Variants in TRIO observed in about 807,000 individuals in gnomAD.
TRIO encodes trio Rho guanine nucleotide exchange factor, also known as triple functional domain protein.
TRIO carries 58 observed loss-of-function variants against 351.9 expected under a neutral mutation model. The ratio of observed to expected loss-of-function variants is 0.16; its 90% CI spans 0.13 to 0.21. The LOEUF is 0.21. Ranked by LOEUF, TRIO falls within the 10% of genes least tolerant of loss-of-function variation. TRIO has a pLI of 1.00. For synonymous variants in TRIO, 1,758 were observed against 1,595.7 expected (o/e 1.10, Z -2.42); for missense variants, 3,201 against 4,027.8 (o/e 0.79, Z 5.56).
In TRIO at chr5:14,499,954, G is replaced by A. The variant is rs1043069150; in HGVS notation, c.8332+1314G>A. Among the ~76,000 whole-genome samples the A allele has an allele frequency of 1.4e-4, 22 of 151,762 alleles. 2 individuals are homozygous for A. The highest frequency in any genetic ancestry group is 1.4e-3 in the Admixed American group (21 of 15,230). ...TAGTCCCAGCTACTCTTGAGGCTGA[G>A]GCAGGAGAATCACTTGAACCCAGGA... is the stretch of plus-strand genomic sequence containing the variant. On this transcript the variant is annotated intron_variant, in intron 53 of 56. Coordinates refer to ENST00000344204, the MANE Select transcript of TRIO (RefSeq NM_007118.4).
intron 1 of TRIO, among the ~76,000 whole-genome samples, chr5:14,210,602 T>TTG (rs1561206475): frequency 6.6e-6 from 1 of 151,840 alleles, no homozygotes; most frequent in Non-Finnish European, 1.5e-5. Flanking sequence ...AAAGTGTTTT[T>TTG]TTGTTGTTGT....
chr5:14,306,500 A>G (rs890712632), intron 8 of TRIO, among the ~76,000 whole-genome samples: 3 of 152,228 alleles, frequency 2.0e-5, no homozygotes, highest in African/African-American at 7.2e-5. Context: ...TAACACAGAA[A>G]GCAAATGACC....
intron 1 of TRIO, among the ~76,000 whole-genome samples, chr5:14,187,343 T>G (rs1032022333): frequency 6.6e-6 from 1 of 152,196 alleles, no homozygotes; most frequent in Non-Finnish European, 1.5e-5. Context: ...TGGTTTTTGT[T>G]GTTTTGTTTT....
At chr5:14,414,716 A>C (rs1292067002) in intron 33 of TRIO, among the ~76,000 whole-genome samples, 1 of 151,620 alleles carries the variant, frequency 6.6e-6, no homozygotes, top group Admixed American at 6.6e-5. Context: ...ATCGGAGCCT[A>C]TCACAATAGT....
chr5:14,274,991 A>G (rs1561279710), intron 2 of TRIO, among the ~76,000 whole-genome samples: 2 of 152,182 alleles, frequency 1.3e-5, no homozygotes, highest in Non-Finnish European at 2.9e-5. Flanking sequence ...TGCTAGGCAT[A>G]TCCACCGGGT....
intron 1 of TRIO, among the ~76,000 whole-genome samples, chr5:14,163,257 G>C (rs1788580651): frequency 6.6e-6 from 1 of 152,122 alleles, no homozygotes; most frequent in African/African-American, 2.4e-5. Context: ...ACTTATAAGT[G>C]AGAACATGTG....
intron 34 of TRIO, among the ~76,000 whole-genome samples, chr5:14,424,804 G>A (rs1750502833): frequency 6.6e-6 from 1 of 152,130 alleles, no homozygotes; most frequent in African/African-American, 2.4e-5. Flanking sequence ...TTTTCATTCG[G>A]AACTGTCCGA....
intron 1 of TRIO, among the ~76,000 whole-genome samples, chr5:14,234,182 G>C (rs1793637015): frequency 6.6e-6 from 1 of 152,174 alleles, no homozygotes; most frequent in Non-Finnish European, 1.5e-5. Flanking sequence ...GTACAAAGAC[G>C]ATGTTGACTA....
At chr5:14,469,165 G>C (rs1391802363) in intron 37 of TRIO, among the ~76,000 whole-genome samples, 1 of 152,088 alleles carries the variant, frequency 6.6e-6, no homozygotes, top group Non-Finnish European at 1.5e-5. Context: ...ATAAACCAAA[G>C]AAAAGCAGAA....
chr5:14,214,353 A>AAGACT (rs2152198760), intron 1 of TRIO, among the ~76,000 whole-genome samples: 1 of 152,236 alleles, frequency 6.6e-6, no homozygotes, highest in Admixed American at 6.5e-5. Context: ...TCCTCTCTTC[A>AAGACT]CAGGCAGAGA....
chr5:14,442,403 AGG>A (rs1028299862), intron 34 of TRIO, among the ~76,000 whole-genome samples: 1 of 152,128 alleles, frequency 6.6e-6, no homozygotes, highest in Non-Finnish European at 1.5e-5. Context: ...TCGGATCAAA[AGG>A]GGGGCACAGA....
intron 37 of TRIO, among the ~76,000 whole-genome samples, chr5:14,470,743 A>G (rs26101): frequency 0.14 from 21,710 of 152,274 alleles, 1,860 homozygotes; most frequent in Admixed American, 0.23. Flanking sequence ...GAGGGATAGA[A>G]TGGAAGTTGC....
At chr5:14,171,409 A>G (rs1388687358) in intron 1 of TRIO, among the ~76,000 whole-genome samples, 1 of 152,202 alleles carries the variant, frequency 6.6e-6, no homozygotes, top group Non-Finnish European at 1.5e-5. Context: ...AGACTTTAAA[A>G]TTGCACCATA....
intron 1 of TRIO, among the ~76,000 whole-genome samples, chr5:14,173,143 A>G (rs1168787367): frequency 6.9e-6 from 1 of 143,988 alleles, no homozygotes; most frequent in Non-Finnish European, 1.5e-5. Context: ...GAGGTCCAGG[A>G]GTATAAGTTA....
rs562499349 is a variant in TRIO, at chr5:14,367,765, T to C, written c.2874+786T>C. ...AGAAGAAAGCTACAGAAGTTGCCAC[T>C]AATTTATTCCCTGGATTAATTTATT... On this transcript the variant is annotated intron_variant, in intron 16 of 56. Coordinates refer to ENST00000344204, the MANE Select transcript of TRIO (RefSeq NM_007118.4). Among the ~76,000 whole-genome samples, 65 of 152,352 alleles carry C rather than the reference T, an allele frequency of 4.3e-4. 1 individual carries two copies. The South Asian group carries it at 0.013, about 31-fold the overall frequency.
At chr5:14,457,030 G>GT (rs1753364385) in intron 34 of TRIO, among the ~76,000 whole-genome samples, 1 of 152,104 alleles carries the variant, frequency 6.6e-6, no homozygotes, top group African/African-American at 2.4e-5. Context: ...AAGAAAAAAA[G>GT]TTTTTTCCCC....
chr5:14,425,536 C>T (rs1750570526), intron 34 of TRIO, among the ~76,000 whole-genome samples: 1 of 152,182 alleles, frequency 6.6e-6, no homozygotes, highest in Non-Finnish European at 1.5e-5. Flanking sequence ...GTAATCTCTT[C>T]AAGTCCCTCC....
At position 14,275,975 on chromosome 5, in the gene TRIO, C is replaced by CAT. The variant is rs199856506; in HGVS notation, c.233-4335_233-4334dup. 2.1e-3 allele frequency among the ~76,000 whole-genome samples: 296 copies of CAT among 143,908 alleles called. 1 individual carries two copies. Among genetic ancestry groups the CAT allele is most frequent in the Middle Eastern group, 0.011 (3 of 268 alleles). 94.4% of individuals were successfully genotyped at this position (143,908 alleles called of 152,430 possible). ...ACATATATATACATATATATACATACATATATATATATACACACACACATA... is the reference window on the plus strand; with the variant it reads ...ACATATATATACATATATATACATACATATATATATATATACACACACACATA... On this transcript the variant is annotated intron_variant, in intron 2 of 56. Coordinates refer to ENST00000344204, the MANE Select transcript of TRIO (RefSeq NM_007118.4).
At chr5:14,452,317 T>G (rs1752901673) in intron 34 of TRIO, among the ~76,000 whole-genome samples, 1 of 152,254 alleles carries the variant, frequency 6.6e-6, no homozygotes. Flanking sequence ...CACATCAGTG[T>G]GAGTATTCCC....
Sources: gnomAD v4.1 joint callset for allele counts (sites outside exome capture counted in the v4.1 genomes callset) on GRCh38, gnomAD v4.1.1 for gene constraint, MANE v1.5 for transcripts, NCBI Gene and HGNC (gene_info 2026-07-23, HGNC 2026-07-21) for gene names.